SH3KBP1: variants seen among roughly 807,000 people sequenced by gnomAD.
SH3KBP1 encodes SH3 domain-containing kinase-binding protein 1.
SH3KBP1 carries 8 observed loss-of-function variants against 50.1 expected under a neutral mutation model. The observed-to-expected ratio is 0.16, with a 90% CI of 0.09 to 0.29. SH3KBP1 has a LOEUF of 0.29. Ranked by LOEUF, SH3KBP1 falls within the 10% of genes least tolerant of loss-of-function variation. The pLI is 1.00. For synonymous variants in SH3KBP1, 227 were observed against 218.6 expected (o/e 1.04, Z -0.34); for missense variants, 377 against 535.2 (o/e 0.70, Z 2.92).
chrX:19,543,896 G>A, intron 15 of SH3KBP1, among the ~76,000 whole-genome samples: 1 of 111,463 alleles, frequency 9.0e-6, no homozygotes, highest in East Asian at 2.8e-4. Flanking sequence ...AGGGAGCTGG[G>A]AGGCAGGTGG....
rs1340023255 is a variant in SH3KBP1, at chrX:19,650,531, C to T, written c.727-5056G>A. 2.8e-5 allele frequency among the ~76,000 whole-genome samples: 3 copies of T among 105,271 alleles called. No individual in the cohort carries two copies. The Admixed American group carries it at 3.0e-4, about 10-fold the overall frequency. The allele number at this position is 105,271 out of a possible 115,157, so 91.4% of individuals were successfully genotyped here. A position where few individuals can be genotyped will look rare whatever the true frequency, so the allele number is the denominator to read the frequency against. On this transcript the variant is annotated intron_variant, in intron 6 of 17. Coordinates refer to ENST00000397821, the MANE Select transcript of SH3KBP1 (RefSeq NM_031892.3). ...TCTAATCACCTCCCACAAGGTCCCT[C>T]CCCCAACACATGGGGATTACAATTC...
At chrX:19,668,974 A>ATATATATATT (rs1491195501) in intron 6 of SH3KBP1, among the ~76,000 whole-genome samples, 15 of 63,891 alleles carry the variant, frequency 2.3e-4, no homozygotes, top group Non-Finnish European at 4.1e-4. Context: ...ATATATATAT[A>ATATATATATT]TTTTTTGAGA....
chrX:19,839,348 T>C (rs1286298297), intron 1 of SH3KBP1, among the ~76,000 whole-genome samples: 1 of 107,087 alleles, frequency 9.3e-6, no homozygotes, highest in Non-Finnish European at 1.9e-5. Context: ...AATTTTTTTT[T>C]TTTTTTTAGA....
At chrX:19,798,816 T>C (rs1185130630) in intron 2 of SH3KBP1, among the ~76,000 whole-genome samples, 2 of 112,230 alleles carry the variant, frequency 1.8e-5, no homozygotes, top group East Asian at 5.6e-4. Context: ...ATTTATGGCA[T>C]AGAGTGCCAT....
At chrX:19,588,136 G>A in intron 12 of SH3KBP1, 1 of 244,984 alleles carries the variant, frequency 4.1e-6, no homozygotes, top group Non-Finnish European at 7.2e-6. Context: ...GGGTCTTAGA[G>A]TTAGAGACGT....
At chrX:19,624,426 T>C (rs1035279935) in intron 8 of SH3KBP1, among the ~76,000 whole-genome samples, 2 of 111,873 alleles carry the variant, frequency 1.8e-5, no homozygotes, top group African/African-American at 6.5e-5. Context: ...GACAGTTTTA[T>C]ATAATTTGTG....
intron 9 of SH3KBP1, among the ~76,000 whole-genome samples, chrX:19,602,425 A>G (rs1427108235): frequency 8.9e-6 from 1 of 112,000 alleles, no homozygotes; most frequent in Non-Finnish European, 1.9e-5. Context: ...AGGGAGAGGG[A>G]ATACCATCTG....
At chrX:19,574,134 C>T (rs2066124592) in intron 12 of SH3KBP1, among the ~76,000 whole-genome samples, 1 of 111,375 alleles carries the variant, frequency 9.0e-6, no homozygotes, top group African/African-American at 3.3e-5. Flanking sequence ...TCCCTTCCCA[C>T]TTGACTTGAG....
intron 2 of SH3KBP1, among the ~76,000 whole-genome samples, chrX:19,765,486 T>C (rs1028696258): frequency 1.8e-5 from 2 of 111,260 alleles, no homozygotes; most frequent in Non-Finnish European, 3.8e-5. Context: ...GCTCGCTCTC[T>C]CTCTGACCTC....
intron 2 of SH3KBP1, among the ~76,000 whole-genome samples, chrX:19,777,060 C>T (rs2066002323): frequency 8.9e-6 from 1 of 111,792 alleles, no homozygotes; most frequent in Non-Finnish European, 1.9e-5. Flanking sequence ...AGATTTCCTC[C>T]ATCTCCCTTA....
chrX:19,620,589 G>GA (rs2067779302), intron 8 of SH3KBP1, among the ~76,000 whole-genome samples: 1 of 111,941 alleles, frequency 8.9e-6, no homozygotes, highest in Admixed American at 9.5e-5. Context: ...CAGACCACTG[G>GA]AGTATGGCTC....
intron 13 of SH3KBP1, among the ~76,000 whole-genome samples, chrX:19,561,825 T>C (rs2065688650): frequency 9.1e-6 from 1 of 110,376 alleles, no homozygotes; most frequent in African/African-American, 3.3e-5. Flanking sequence ...CTTTTTTTTT[T>C]TTTTTTGATA....
At chrX:19,760,041 C>CCTCTCTCTCTCTCTCTCTCCCTCT (rs2065352033) in intron 2 of SH3KBP1, among the ~76,000 whole-genome samples, 6 of 50,455 alleles carry the variant, frequency 1.2e-4, no homozygotes, top group Non-Finnish European at 1.8e-4. Context: ...TCTCTCTCTC[C>CCTCTCTCTCTCTCTCTCTCCCTCT]CTCTCTCTCT....
chrX:19,770,201 C>T (rs2065747177), intron 2 of SH3KBP1, among the ~76,000 whole-genome samples: 1 of 111,611 alleles, frequency 9.0e-6, no homozygotes, highest in Admixed American at 9.5e-5. Context: ...CCTCCTTCCA[C>T]CCTCTACCCT....
intron 2 of SH3KBP1, among the ~76,000 whole-genome samples, chrX:19,792,312 G>A (rs985766677): frequency 9.0e-6 from 1 of 111,189 alleles, no homozygotes; most frequent in Admixed American, 9.5e-5. Flanking sequence ...ACTTGTATAC[G>A]CATGCTGGAA....
chrX:19,690,837 C>T (rs2063269615), intron 5 of SH3KBP1, among the ~76,000 whole-genome samples: 1 of 111,835 alleles, frequency 8.9e-6, no homozygotes, highest in African/African-American at 3.2e-5. Flanking sequence ...TGTCAGATGA[C>T]CTGTGGAAAG....
intron 2 of SH3KBP1, among the ~76,000 whole-genome samples, chrX:19,774,383 C>A (rs2065893835): frequency 9.0e-6 from 1 of 111,027 alleles, no homozygotes; most frequent in Admixed American, 9.7e-5. Context: ...TTTTAAGAAA[C>A]CTAAGCCGCC....
At chrX:19,775,721 C>A (rs1260007049) in intron 2 of SH3KBP1, among the ~76,000 whole-genome samples, 2 of 111,520 alleles carry the variant, frequency 1.8e-5, no homozygotes, top group Non-Finnish European at 3.8e-5. Context: ...GTGTCTAATT[C>A]ATCTTTTTCA....
At chrX:19,766,105 G>A (rs187965560) in intron 2 of SH3KBP1, among the ~76,000 whole-genome samples, 1 of 111,005 alleles carries the variant, frequency 9.0e-6, no homozygotes, top group African/African-American at 3.3e-5. Flanking sequence ...TTTTATGGTA[G>A]CTACACCATT....
Sources: gnomAD v4.1 joint callset for allele counts (sites outside exome capture counted in the v4.1 genomes callset) on GRCh38, gnomAD v4.1.1 for gene constraint, MANE v1.5 for transcripts, NCBI Gene and HGNC (gene_info 2026-07-23, HGNC 2026-07-21) for gene names.